RBFOX1: variants seen among roughly 807,000 people sequenced by gnomAD.
RBFOX1 encodes RNA binding protein fox-1 homolog 1.
A neutral mutation model predicts 57.7 loss-of-function variants in RBFOX1; 8 were observed. The observed-to-expected ratio is 0.14, with a 90% CI of 0.08 to 0.25. RBFOX1 has a LOEUF of 0.25. Among genes scored for constraint, RBFOX1 ranks in the 10% least tolerant of loss-of-function variants. RBFOX1 has a pLI of 1.00. For missense variants in RBFOX1, 611 were observed against 548.5 expected, an observed-to-expected ratio of 1.11 and a Z score of -1.14; for synonymous variants, 326 against 222.4, an observed-to-expected ratio of 1.47 and a Z score of -4.15.
chr16:5,737,013 C>A (rs902437157), intron 3 of RBFOX1, among the ~76,000 whole-genome samples: 1 of 151,470 alleles, frequency 6.6e-6, no homozygotes, highest in African/African-American at 2.4e-5. Context: ...CATCCTCTTT[C>A]CCTCAAGCAC....
chr16:7,302,102 C>G lies in RBFOX1; in HGVS notation c.28-216045C>G, dbSNP rs190066306. ...TAGCAGCCTCTACTTTCCCACTCCC[C>G]TGGATGAACTTCTGCCTAGGGCTAA... On this transcript the variant is annotated intron_variant, in intron 4 of 15. Transcript: ENST00000550418. Among the ~76,000 whole-genome samples, 685 of 152,232 alleles carry G rather than the reference C, an allele frequency of 4.5e-3. 2 individuals are homozygous for G. The highest frequency in any genetic ancestry group is 0.015 in the African/African-American group (637 of 41,540).
At chr16:6,647,473 C>T (rs1602610056) in intron 2 of RBFOX1, among the ~76,000 whole-genome samples, 1 of 152,138 alleles carries the variant, frequency 6.6e-6, no homozygotes, top group East Asian at 1.9e-4. Flanking sequence ...GTCTTGAGCC[C>T]CTGCCCTCAA....
At chr16:7,647,181 C>G (rs2063916015) in intron 11 of RBFOX1, among the ~76,000 whole-genome samples, 1 of 152,166 alleles carries the variant, frequency 6.6e-6, no homozygotes, top group South Asian at 2.1e-4. Context: ...TAACCTCCCC[C>G]AGAATATGCT....
chr16:5,806,731 C>G (rs1007094101), intron 3 of RBFOX1, among the ~76,000 whole-genome samples: 2 of 152,228 alleles, frequency 1.3e-5, no homozygotes, highest in Non-Finnish European at 1.5e-5. Flanking sequence ...GAAAGCTAAA[C>G]AAACCTGGTA....
chr16:6,389,636 C>T (rs1274113115), intron 2 of RBFOX1, among the ~76,000 whole-genome samples: 1 of 152,104 alleles, frequency 6.6e-6, no homozygotes, highest in East Asian at 1.9e-4. Flanking sequence ...TACTAACAAG[C>T]AACTGAAGTT....
intron 1 of RBFOX1, among the ~76,000 whole-genome samples, chr16:5,304,951 C>A (rs918103435): frequency 6.6e-6 from 1 of 152,170 alleles, no homozygotes; most frequent in Non-Finnish European, 1.5e-5. Context: ...ATGAAATTTG[C>A]CTCTTCGTGT....
intron 1 of RBFOX1, among the ~76,000 whole-genome samples, chr16:5,290,536 T>C (rs1005129126): frequency 1.3e-5 from 2 of 152,142 alleles, no homozygotes; most frequent in Admixed American, 1.3e-4. Flanking sequence ...AATCATACGG[T>C]ACCTGAATTA....
chr16:6,041,870 G>C (rs1021695886), intron 1 of RBFOX1, among the ~76,000 whole-genome samples: 1 of 152,100 alleles, frequency 6.6e-6, no homozygotes, highest in Non-Finnish European at 1.5e-5. Flanking sequence ...TTGATTTCCT[G>C]TTTTAAAGTT....
intron 12 of RBFOX1, 105 bp downstream of exon 12, chr16:7,654,052 A>AC: frequency 1.7e-6 from 2 of 1,201,902 alleles, no homozygotes; most frequent in Non-Finnish European, 1.1e-6. Context: ...CCCCTCCGCC[A>AC]CCCCCAGAAC....
At chr16:5,576,383 A>G (rs2046457604) in intron 2 of RBFOX1, among the ~76,000 whole-genome samples, 1 of 152,098 alleles carries the variant, frequency 6.6e-6, no homozygotes, top group Non-Finnish European at 1.5e-5. Context: ...TTGTATTTCT[A>G]TTGAATCCAA....
At chr16:7,260,099 T>C (rs1470178288) in intron 4 of RBFOX1, among the ~76,000 whole-genome samples, 2 of 152,204 alleles carry the variant, frequency 1.3e-5, no homozygotes, top group African/African-American at 4.8e-5. Flanking sequence ...AACCATATAT[T>C]GTGTATATGG....
intron 3 of RBFOX1, among the ~76,000 whole-genome samples, chr16:5,657,584 G>C (rs2049469153): frequency 6.7e-6 from 1 of 150,358 alleles, no homozygotes; most frequent in Non-Finnish European, 1.5e-5. Flanking sequence ...TTTGGTTTGA[G>C]GTCTGTAAAT....
intron 4 of RBFOX1, among the ~76,000 whole-genome samples, chr16:7,227,228 A>G (rs879578664): frequency 1.3e-5 from 2 of 151,124 alleles, no homozygotes; most frequent in South Asian, 2.1e-4. Context: ...AAAACATGCC[A>G]TGTGCTCTAT....
intron 2 of RBFOX1, among the ~76,000 whole-genome samples, chr16:5,549,346 A>ACTTTGCTTTCTCTC (rs2045364266): frequency 6.6e-6 from 1 of 152,152 alleles, no homozygotes; most frequent in Admixed American, 6.5e-5. Flanking sequence ...CCTGCTGGTA[A>ACTTTGCTTTCTCTC]CTGGATCTGC....
At chr16:6,032,290 A>G (rs1337956211) in intron 1 of RBFOX1, among the ~76,000 whole-genome samples, 2 of 152,158 alleles carry the variant, frequency 1.3e-5, no homozygotes. Flanking sequence ...TTTTGAGACA[A>G]AGATTGGTGG....
At chr16:6,121,987 C>T (rs1205980612) in intron 1 of RBFOX1, among the ~76,000 whole-genome samples, 3 of 152,166 alleles carry the variant, frequency 2.0e-5, no homozygotes, top group African/African-American at 4.8e-5. Flanking sequence ...CTCACTGCAA[C>T]CCCTGCCTCC....
intron 4 of RBFOX1, among the ~76,000 whole-genome samples, chr16:7,422,605 C>T (rs554379553): frequency 2.3e-4 from 35 of 152,218 alleles, no homozygotes; most frequent in African/African-American, 8.2e-4. Context: ...CTTACCCACT[C>T]AGCACGATTT....
chr16:7,384,940 C>G (rs970884644), intron 4 of RBFOX1, among the ~76,000 whole-genome samples: 8 of 152,154 alleles, frequency 5.3e-5, no homozygotes, highest in African/African-American at 4.8e-5. Flanking sequence ...TGGTGGGGAG[C>G]TCTAGAAAGG....
intron 3 of RBFOX1, among the ~76,000 whole-genome samples, chr16:6,854,210 C>CT (rs1230765228): frequency 6.6e-6 from 1 of 152,126 alleles, no homozygotes; most frequent in Non-Finnish European, 1.5e-5. Flanking sequence ...AGCTTGCATT[C>CT]ATCTTCACTG....
Sources: gnomAD v4.1 joint callset for allele counts (sites outside exome capture counted in the v4.1 genomes callset) on GRCh38, gnomAD v4.1.1 for gene constraint, MANE v1.5 for transcripts, NCBI Gene and HGNC (gene_info 2026-07-23, HGNC 2026-07-21) for gene names.